The following RYR3 variants were observed in gnomAD, a reference collection of about 807,000 sequenced individuals.
RYR3 encodes brain ryanodine receptor-calcium release channel.
A neutral mutation model predicts 584.3 loss-of-function variants in RYR3; 207 were observed. That is an observed-to-expected ratio of 0.35 (90% CI 0.32 to 0.40). The LOEUF (loss-of-function observed/expected upper bound fraction) is 0.40, where lower values mean the gene tolerates loss of function less well. Among genes scored for constraint, RYR3 ranks in the 10% least tolerant of loss-of-function variants. The pLI is 1.00. For synonymous variants in RYR3, 2,416 were observed against 2,248.5 expected, an observed-to-expected ratio of 1.07 and a Z score of -2.11; for missense variants, 5,616 against 6,089.2, an observed-to-expected ratio of 0.92 and a Z score of 2.59.
intron 12 of RYR3, among the ~76,000 whole-genome samples, chr15:33,568,922 A>G (rs1481627986): frequency 6.6e-6 from 1 of 152,190 alleles, no homozygotes; most frequent in Non-Finnish European, 1.5e-5. Context: ...AATAAATCAT[A>G]AAATATGTTG....
intron 67 of RYR3, among the ~76,000 whole-genome samples, chr15:33,790,731 G>A (rs1262224340): frequency 6.6e-6 from 1 of 152,174 alleles, no homozygotes; most frequent in Non-Finnish European, 1.5e-5. Flanking sequence ...TTTAAGGACT[G>A]TGAGACTAGA....
rs145641263 is a variant in RYR3 at position 33,828,396 on chromosome 15, T to A, written c.11334+1109T>A. On this transcript the variant is annotated intron_variant, in intron 85 of 103. Coordinates refer to ENST00000634891, the MANE Select transcript of RYR3 (RefSeq NM_001036.6). Reference sequence around the variant, plus strand: ...ATCAAAAGCTGGAAATGATTAAGCTTAGTAAGGAAGGCATGTTGAAAGCTA... The same window carrying A: ...ATCAAAAGCTGGAAATGATTAAGCTAAGTAAGGAAGGCATGTTGAAAGCTA... Among the ~76,000 whole-genome samples, 81 of 152,282 alleles carry A rather than the reference T, an allele frequency of 5.3e-4. No homozygotes were observed. In the East Asian group the frequency reaches 8.3e-3, roughly 16 times the overall value.
At chr15:33,819,486 A>T (rs1351830875) in intron 76 of RYR3, among the ~76,000 whole-genome samples, 2 of 151,946 alleles carry the variant, frequency 1.3e-5, no homozygotes, top group Non-Finnish European at 2.9e-5. Flanking sequence ...AGCCTGGCCA[A>T]TATGGTGAAA....
chr15:33,752,047 C>T (rs561579187), intron 57 of RYR3, among the ~76,000 whole-genome samples: 10 of 152,106 alleles, frequency 6.6e-5, no homozygotes, highest in South Asian at 2.1e-4. Context: ...TGTAGATATG[C>T]GGCGTTATTT....
chr15:33,664,575 ATG>A (rs577820015), intron 36 of RYR3, among the ~76,000 whole-genome samples: 17 of 98,642 alleles, frequency 1.7e-4, no homozygotes, highest in African/African-American at 4.1e-4. Context: ...ATATAGATAT[ATG>A]TGTGTGTGTG....
intron 21 of RYR3, 132 bp downstream of exon 21, chr15:33,628,707 A>C: frequency 1.6e-6 from 1 of 613,392 alleles, no homozygotes; most frequent in South Asian, 2.1e-5. Context: ...GTCTTCACAG[A>C]CAGAACCAGA....
chr15:33,842,632 G>A (rs766475536), intron 91 of RYR3, among the ~76,000 whole-genome samples: 5 of 152,152 alleles, frequency 3.3e-5, no homozygotes, highest in Non-Finnish European at 5.9e-5. Context: ...TGTGGATGCT[G>A]ATTTTTCTGG....
intron 1 of RYR3, among the ~76,000 whole-genome samples, chr15:33,318,231 T>C (rs1968469918): frequency 6.6e-6 from 1 of 152,196 alleles, no homozygotes; most frequent in Non-Finnish European, 1.5e-5. Context: ...GGTTTTATGC[T>C]ATAGGAACCA....
intron 5 of RYR3, among the ~76,000 whole-genome samples, chr15:33,537,919 C>T (rs866314360): frequency 2.6e-5 from 4 of 151,860 alleles, no homozygotes; most frequent in African/African-American, 7.3e-5. Flanking sequence ...TTTGATAATT[C>T]TGTTTTTTGT....
chr15:33,663,501 A>C (rs2063289792), intron 35 of RYR3, 36 bp from the exon 36 acceptor site: 1 of 1,587,476 alleles, frequency 6.3e-7, no homozygotes, highest in African/African-American at 1.3e-5. Context: ...TCACCAAAGT[A>C]CACAAAGTGT....
intron 43 of RYR3, among the ~76,000 whole-genome samples, chr15:33,712,228 G>A (rs2067173322): frequency 6.6e-6 from 1 of 152,158 alleles, no homozygotes; most frequent in Admixed American, 6.5e-5. Context: ...TGAGGGATCT[G>A]TCCCCATGAT....
intron 1 of RYR3, among the ~76,000 whole-genome samples, chr15:33,459,355 C>G (rs144721377): frequency 6.6e-6 from 1 of 151,996 alleles, no homozygotes; most frequent in African/African-American, 2.4e-5. Flanking sequence ...ACCTGGGGTT[C>G]CCTTTTGCCC....
intron 71 of RYR3, 113 bp from the exon 72 acceptor site, chr15:33,810,865 C>A (rs529458786): frequency 1.8e-6 from 2 of 1,128,240 alleles, no homozygotes; most frequent in East Asian, 2.6e-5. Context: ...TTCTTTTGTT[C>A]TTCTGATAAA....
chr15:33,369,986 C>T (rs759829772), intron 1 of RYR3, among the ~76,000 whole-genome samples: 3 of 152,212 alleles, frequency 2.0e-5, no homozygotes, highest in Non-Finnish European at 4.4e-5. Context: ...ATGGAAAATG[C>T]TCATCAATGT....
In RYR3 at chr15:33,551,398, G is replaced by A. The variant is rs1422167587; in HGVS notation, c.972+1082G>A. On this transcript the variant is annotated intron_variant, in intron 10 of 103. Transcript: ENST00000634891. ...TCTAGGACTAGGTGTGAGGCTGACA[G>A]CTGAATTTTCTGTGGGGCATCTCTG... 4.6e-5 allele frequency among the ~76,000 whole-genome samples: 7 copies of A among 152,320 alleles called. No individual in the cohort carries two copies. The South Asian group carries it at 1.5e-3, about 32-fold the overall frequency.
chr15:33,689,798 A>G (rs2065287761), intron 38 of RYR3, among the ~76,000 whole-genome samples: 1 of 152,184 alleles, frequency 6.6e-6, no homozygotes, highest in Non-Finnish European at 1.5e-5. Context: ...GTCTGAGACA[A>G]CACAGTTTTA....
chr15:33,563,038 T>C (rs1341844532), intron 11 of RYR3, 28 bp downstream of exon 11: 1 of 1,577,130 alleles, frequency 6.3e-7, no homozygotes, highest in Non-Finnish European at 8.6e-7. Context: ...TGTCTACAAT[T>C]GTTTTACCCT....
At chr15:33,617,722 T>G (rs559067777) in intron 19 of RYR3, among the ~76,000 whole-genome samples, 1 of 152,294 alleles carries the variant, frequency 6.6e-6, no homozygotes, top group Non-Finnish European at 1.5e-5. Flanking sequence ...CAAACTATGT[T>G]GTTAATAATA....
rs1397442103 is a variant in RYR3 at position 33,789,945 on chromosome 15, G to T, written c.9830+1487G>T. Among the ~76,000 whole-genome samples, 3 of 142,728 alleles carry T rather than the reference G, an allele frequency of 2.1e-5. No homozygotes were observed. The East Asian group carries it at 6.3e-4, about 30-fold the overall frequency. The allele number at this position is 142,728 out of a possible 152,430, so 93.6% of individuals were successfully genotyped here. On this transcript the variant is annotated intron_variant, in intron 67 of 103. Transcript: ENST00000634891. ...CCTGCCTCGGCTTCCCCAAACTGTT[G>T]GGATTACAGATTACAGGCGTGAGCC...
Sources: gnomAD v4.1 joint callset for allele counts (sites outside exome capture counted in the v4.1 genomes callset) on GRCh38, gnomAD v4.1.1 for gene constraint, MANE v1.5 for transcripts, NCBI Gene and HGNC (gene_info 2026-07-23, HGNC 2026-07-21) for gene names.